Variants in REEP1 observed in about 807,000 individuals in gnomAD.
REEP1 encodes the protein receptor accessory protein 1, also known as receptor expression-enhancing protein 1.
Under a neutral mutation model 40.3 loss-of-function variants are expected in REEP1, and 22 were observed. The ratio of observed to expected loss-of-function variants is 0.55; its 90% confidence interval spans 0.39 to 0.78. The LOEUF (loss-of-function observed/expected upper bound fraction) is 0.78. Ranked by LOEUF, REEP1 falls within the 30% of genes least tolerant of loss-of-function variation. REEP1 has a pLI of 0.00. For missense variants in REEP1, 280 were observed against 361.1 expected, an observed-to-expected ratio of 0.78 and a Z score of 1.82; for synonymous variants, 116 against 139.2, an observed-to-expected ratio of 0.83 and a Z score of 1.17.
intron 1 of REEP1, among the ~76,000 whole-genome samples, chr2:86,315,597 C>T (rs1056771520): frequency 1.3e-5 from 2 of 152,186 alleles, no homozygotes; most frequent in Non-Finnish European, 2.9e-5. Flanking sequence ...GAATAAAGAA[C>T]GGCATGGCAC....
intron 2 of REEP1, among the ~76,000 whole-genome samples, chr2:86,277,987 A>G (rs1024055319): frequency 6.6e-6 from 1 of 152,230 alleles, no homozygotes; most frequent in African/African-American, 2.4e-5. Context: ...AATATTTATT[A>G]ACAAATCCAT....
intron 5 of REEP1, among the ~76,000 whole-genome samples, chr2:86,234,733 G>A (rs1009874063): frequency 1.3e-5 from 2 of 152,184 alleles, no homozygotes; most frequent in Non-Finnish European, 2.9e-5. Context: ...CACCCTGGTT[G>A]CCTCAGACAC....
Position 86,239,208 on chromosome 2 carries a change from CAAAAAAAAAA to C in REEP1, c.418-6416_418-6407del, listed in dbSNP as rs35714309. Among the ~76,000 whole-genome samples the C allele has an allele frequency of 2.7e-4, 16 of 58,362 alleles. No individual in the cohort carries two copies. In the Middle Eastern group the frequency reaches 0.069, roughly 252 times the overall value. The allele number at this position is 58,362 out of a possible 152,430, so 38.3% of individuals were successfully genotyped here. ...TGATGCTGACCAATGCCATCTAGAC[CAAAAAAAAAA>C]AAAAAAAAAAAAAAAGACATAGGAG... On this transcript the variant is annotated intron_variant, in intron 5 of 8. Transcript: ENST00000538924.
intron 5 of REEP1, among the ~76,000 whole-genome samples, chr2:86,250,275 T>A (rs1676196935): frequency 6.6e-6 from 1 of 152,192 alleles, no homozygotes; most frequent in African/African-American, 2.4e-5. Flanking sequence ...AGCACGTTTA[T>A]ACTCCAGGAA....
intron 1 of REEP1, among the ~76,000 whole-genome samples, chr2:86,335,985 GGAC>G (rs759061580): frequency 6.0e-5 from 9 of 149,762 alleles, no homozygotes; most frequent in Admixed American, 2.6e-4. Flanking sequence ...CAGCCCAGCA[GGAC>G]CTACAGAGAG....
intron 2 of REEP1, chr2:86,279,946 G>C: frequency 2.2e-6 from 1 of 456,198 alleles, no homozygotes; most frequent in Non-Finnish European, 4.4e-6. Context: ...ACTAATATAG[G>C]AGGCTACTGT....
intron 1 of REEP1, among the ~76,000 whole-genome samples, chr2:86,296,657 A>G (rs932231023): frequency 2.0e-5 from 3 of 152,126 alleles, no homozygotes; most frequent in Non-Finnish European, 4.4e-5. Context: ...AGGAGTTTGA[A>G]ACCAGCCTGG....
intron 1 of REEP1, among the ~76,000 whole-genome samples, chr2:86,300,939 G>A (rs1180966724): frequency 1.3e-5 from 2 of 152,118 alleles, no homozygotes; most frequent in African/African-American, 4.8e-5. Context: ...AGCCCTTCAC[G>A]CCTCTGGGTA....
At chr2:86,291,906 G>A (rs138153703) in intron 1 of REEP1, among the ~76,000 whole-genome samples, 2 of 152,302 alleles carry the variant, frequency 1.3e-5, no homozygotes, top group East Asian at 3.9e-4. Context: ...GATGCAAGCA[G>A]GAACAAACAT....
chr2:86,302,404 C>G (rs1001021401), intron 1 of REEP1, among the ~76,000 whole-genome samples: 1 of 152,194 alleles, frequency 6.6e-6, no homozygotes, highest in South Asian at 2.1e-4. Flanking sequence ...ACAAACCCAT[C>G]CATCAAAAAC....
chr2:86,257,598 C>T (rs1017600289), intron 3 of REEP1, among the ~76,000 whole-genome samples: 33 of 151,276 alleles, frequency 2.2e-4, no homozygotes, highest in Non-Finnish European at 1.5e-4. Context: ...GCCTTGGGGA[C>T]TATCTCATAC....
chr2:86,281,525 G>A (rs1407952766), intron 2 of REEP1, among the ~76,000 whole-genome samples: 1 of 152,198 alleles, frequency 6.6e-6, no homozygotes, highest in Non-Finnish European at 1.5e-5. Context: ...CTACTTGGGA[G>A]GCTGAGGCTG....
Position 86,216,999 on chromosome 2 carries a change from A to G in REEP1, c.*40T>C. ...AGTGAATAGCTCTTTAAGGCAGAGAAGAAACATTCTGTGGATCCGGTGCTG... is the reference window on the plus strand; with the variant it reads ...AGTGAATAGCTCTTTAAGGCAGAGAGGAAACATTCTGTGGATCCGGTGCTG... On this transcript the variant is annotated 3_prime_UTR_variant, in exon 9 of 9. Coordinates refer to ENST00000538924, the MANE Select transcript of REEP1 (RefSeq NM_001371279.1). 1 of 1,569,370 alleles carries G rather than the reference A, an allele frequency of 6.4e-7. No homozygotes were observed. Among genetic ancestry groups the G allele is most frequent in the Non-Finnish European group, 8.8e-7 (1 of 1,139,518 alleles).
chr2:86,252,037 G>C lies in REEP1; in HGVS notation c.337C>G (p.Arg113Gly). ...IDDCLVQAKDRSYDALVHFGK... is the reference protein window; with the variant it reads ...IDDCLVQAKDGSYDALVHFGK... Reference sequence around the variant, plus strand: ...AAGTGCACAAGGGCATCGTAACTTCGGTCTTTTGCTTGGACCAGACAATCA... The same window carrying C: ...AAGTGCACAAGGGCATCGTAACTTCCGTCTTTTGCTTGGACCAGACAATCA... The change falls in exon 5 of 9, where the codon CGA becomes GGA. Residue 113 changes from arginine to glycine, a missense_variant. Arg to Gly is a moderately radical substitution (Grantham distance 125). This residue lies in a region of REEP1 where 201 missense variants were observed against 238.5 expected (regional missense o/e 0.84). Coordinates refer to ENST00000538924, the MANE Select transcript of REEP1 (RefSeq NM_001371279.1). 6.2e-7 allele frequency: 1 copy of C among 1,613,912 alleles called. No homozygotes were observed. The highest frequency in any genetic ancestry group is 8.5e-7 in the Non-Finnish European group (1 of 1,179,938).
chr2:86,300,507 C>T (rs1256105909), intron 1 of REEP1, among the ~76,000 whole-genome samples: 2 of 152,150 alleles, frequency 1.3e-5, no homozygotes, highest in Non-Finnish European at 2.9e-5. Flanking sequence ...CCGTGCTTGG[C>T]CATATACACA....
chr2:86,239,104 CAATTT>C (rs1675526176), intron 5 of REEP1, among the ~76,000 whole-genome samples: 1 of 144,962 alleles, frequency 6.9e-6, no homozygotes, highest in Non-Finnish European at 1.5e-5. Flanking sequence ...AAAATCAGTA[CAATTT>C]AATTTTCAGT....
chr2:86,283,821 C>T (rs1678235127), intron 1 of REEP1, among the ~76,000 whole-genome samples: 1 of 152,102 alleles, frequency 6.6e-6, no homozygotes, highest in African/African-American at 2.4e-5. Flanking sequence ...TGTCTAAGGC[C>T]TCATGACCAG....
chr2:86,332,436 A>AACACACAC (rs55793634), intron 1 of REEP1, among the ~76,000 whole-genome samples: 16,924 of 135,924 alleles, frequency 0.12, 1,161 homozygotes, highest in Non-Finnish European at 0.14. Flanking sequence ...CTTTCCTGGA[A>AACACACAC]ACACACACAC....
intron 6 of REEP1, among the ~76,000 whole-genome samples, chr2:86,230,482 G>A (rs116731755): frequency 0.014 from 2,072 of 152,294 alleles, 48 homozygotes; most frequent in African/African-American, 0.047. Flanking sequence ...ACCTAAGCCC[G>A]CTTCCTAGCC....
Sources: gnomAD v4.1 joint callset for allele counts (sites outside exome capture counted in the v4.1 genomes callset) on GRCh38, gnomAD v4.1.1 for gene constraint, gnomAD v4.1.1 regional missense constraint, MANE v1.5 for transcripts, NCBI Gene and HGNC (gene_info 2026-07-23, HGNC 2026-07-21) for gene names.